The following ACOT12 variants were observed in gnomAD, a reference collection of about 807,000 sequenced individuals.
ACOT12 encodes acyl-CoA thioesterase 12.
ACOT12 carries 51 observed loss-of-function variants against 67.7 expected under a neutral mutation model. The ratio of observed to expected loss-of-function variants is 0.75; its 90% CI spans 0.60 to 0.95. The LOEUF (loss-of-function observed/expected upper bound fraction) is 0.95. Among genes scored for constraint, ACOT12 ranks in the 40% least tolerant of loss-of-function variants. ACOT12 has a pLI of 0.00. For synonymous variants in ACOT12, 251 were observed against 244.6 expected (o/e 1.03, Z -0.24); for missense variants, 734 against 708.1 (o/e 1.04, Z -0.41).
At chr5:81,341,846 C>T (rs1201569281) in intron 11 of ACOT12, among the ~76,000 whole-genome samples, 3 of 152,130 alleles carry the variant, frequency 2.0e-5, no homozygotes, top group African/African-American at 7.2e-5. Flanking sequence ...CAGACAAGGC[C>T]TCTTTCTTAA....
chr5:81,334,899 C>T (rs966340724), intron 12 of ACOT12, among the ~76,000 whole-genome samples: 1 of 152,058 alleles, frequency 6.6e-6, no homozygotes, highest in Non-Finnish European at 1.5e-5. Flanking sequence ...CAGGGAGTGG[C>T]AGGAGTGGGA....
chr5:81,391,903 C>T (rs1760873837), intron 1 of ACOT12, among the ~76,000 whole-genome samples: 1 of 152,142 alleles, frequency 6.6e-6, no homozygotes, highest in Admixed American at 6.6e-5. Flanking sequence ...TTTTGACTTG[C>T]TCAACTAGAT....
rs1309040951 is a variant in ACOT12 at position 81,385,745 on chromosome 5, A to C, written c.197+12T>G. 6 of 1,613,560 alleles carry C rather than the reference A, an allele frequency of 3.7e-6. No homozygotes were observed. The South Asian group carries it at 6.6e-5, about 18-fold the overall frequency. ...ACCCAGGAGAAAGGAGCCATGGAGC[A>C]ATGTCACTTACCTAGCTGTCTCCTC... is the stretch of plus-strand genomic sequence containing the variant. On this transcript the variant is annotated intron_variant, in intron 2 of 14. Coordinates refer to ENST00000307624, the MANE Select transcript of ACOT12 (RefSeq NM_130767.3).
At chr5:81,312,792 C>G in the ACOT12 span, 2 of 624,546 alleles carry the variant, frequency 3.2e-6, no homozygotes, top group Non-Finnish European at 5.6e-6. Context: ...TGGGTGTGGC[C>G]AAAAACAATT....
At chr5:81,340,512 C>A (rs1477199271) in intron 11 of ACOT12, among the ~76,000 whole-genome samples, 1 of 152,072 alleles carries the variant, frequency 6.6e-6, no homozygotes. Flanking sequence ...CAGGCGCCTG[C>A]CACTGCCCCT....
chr5:81,310,929 A>G, the ACOT12 span, among the ~76,000 whole-genome samples: 1 of 152,212 alleles, frequency 6.6e-6, no homozygotes, highest in Non-Finnish European at 1.5e-5. Flanking sequence ...GCTTCTGTGC[A>G]ATAGCTCTTG....
chr5:81,372,952 A>AGGT (rs1417212234), intron 2 of ACOT12, among the ~76,000 whole-genome samples: 2 of 152,230 alleles, frequency 1.3e-5, no homozygotes, highest in Non-Finnish European at 2.9e-5. Flanking sequence ...TTCATTAACA[A>AGGT]TAAAAAATCC....
At chr5:81,315,203 C>A in the ACOT12 span, among the ~76,000 whole-genome samples, 2 of 152,102 alleles carry the variant, frequency 1.3e-5, no homozygotes, top group Admixed American at 1.3e-4. Flanking sequence ...CTCACTTTCC[C>A]CTGGGGAAAA....
intron 11 of ACOT12, among the ~76,000 whole-genome samples, chr5:81,340,129 C>A (rs7446307): frequency 6.6e-6 from 1 of 151,602 alleles, no homozygotes; most frequent in Non-Finnish European, 1.5e-5. Context: ...CCTCTGCCTC[C>A]CAGGTTCAAG....
At chr5:81,382,695 G>A (rs1052312139) in intron 2 of ACOT12, among the ~76,000 whole-genome samples, 15 of 151,898 alleles carry the variant, frequency 9.9e-5, no homozygotes, top group Non-Finnish European at 2.1e-4. Context: ...CAGCTACTTC[G>A]GGAGGCTGAG....
At chr5:81,352,385 G>A (rs1759580352) in intron 5 of ACOT12, among the ~76,000 whole-genome samples, 1 of 152,078 alleles carries the variant, frequency 6.6e-6, no homozygotes, top group Admixed American at 6.6e-5. Context: ...AATGAATAAA[G>A]AAAATATGAT....
chr5:81,373,913 A>G (rs1295077016), intron 2 of ACOT12, among the ~76,000 whole-genome samples: 1 of 152,172 alleles, frequency 6.6e-6, no homozygotes, highest in Non-Finnish European at 1.5e-5. Context: ...GCGCAGCTTC[A>G]GCAGACTTAA....
intron 4 of ACOT12, among the ~76,000 whole-genome samples, chr5:81,362,351 A>G: frequency 6.6e-6 from 1 of 151,928 alleles, no homozygotes; most frequent in East Asian, 1.9e-4. Context: ...TTTTTAGTAG[A>G]GAGGGGGTTT....
intron 11 of ACOT12, among the ~76,000 whole-genome samples, chr5:81,336,756 G>A (rs1352614773): frequency 2.0e-5 from 3 of 152,120 alleles, no homozygotes; most frequent in Non-Finnish European, 2.9e-5. Context: ...GCAACAAGCT[G>A]TGAGAAAACA....
At chr5:81,366,578 A>G (rs1760084091) in intron 3 of ACOT12, among the ~76,000 whole-genome samples, 1 of 152,240 alleles carries the variant, frequency 6.6e-6, no homozygotes. Flanking sequence ...AAACACAGAC[A>G]AAACATAAAT....
chr5:81,312,879 G>A, the ACOT12 span: 1 of 343,548 alleles, frequency 2.9e-6, no homozygotes, highest in Non-Finnish European at 5.3e-6. Context: ...ATGATTAAAT[G>A]AATTCTCTAA....
intron 2 of ACOT12, among the ~76,000 whole-genome samples, chr5:81,377,874 A>T (rs185518855): frequency 6.6e-6 from 1 of 152,226 alleles, no homozygotes. Context: ...CTGCTCATGG[A>T]TAGGAAGAAT....
chr5:81,344,079 T>C, intron 9 of ACOT12, 81 bp downstream of exon 9: 1 of 1,438,156 alleles, frequency 7.0e-7, no homozygotes, highest in Non-Finnish European at 9.6e-7. Context: ...TACGTGGGAA[T>C]AGAGACCCAG....
At chr5:81,381,003 A>C (rs190045255) in intron 2 of ACOT12, among the ~76,000 whole-genome samples, 53 of 152,268 alleles carry the variant, frequency 3.5e-4, no homozygotes, top group Admixed American at 2.0e-3. Context: ...ACACAATGGT[A>C]AGTATTTGTG....
Sources: gnomAD v4.1 joint callset for allele counts (sites outside exome capture counted in the v4.1 genomes callset) on GRCh38, gnomAD v4.1.1 for gene constraint, MANE v1.5 for transcripts, NCBI Gene and HGNC (gene_info 2026-07-23, HGNC 2026-07-21) for gene names.